Variants in GPRASP1 observed in about 807,000 individuals in gnomAD.
GPRASP1 encodes the protein G protein-coupled receptor associated sorting protein 1.
In GPRASP1, 28 loss-of-function variants were observed where a neutral mutation model predicts 68.4. That is an observed-to-expected ratio of 0.41 (90% CI 0.30 to 0.56). GPRASP1 has a LOEUF of 0.56. Ranked by LOEUF, GPRASP1 falls within the 20% of genes least tolerant of loss-of-function variation. GPRASP1 has a pLI of 0.29. For missense variants in GPRASP1, 913 were observed against 1,031.5 expected (o/e 0.89, Z 1.57); for synonymous variants, 304 against 358.2 (o/e 0.85, Z 1.71).
At position 102,651,937 on chromosome X, in the gene GPRASP1, C is replaced by T. The variant is rs369084898; in HGVS notation, c.-572+204C>T. ...CCGAGAGACGGCTGTGGGGGAGGCT[C>T]CTGCGGGAGAAATGGCCAAACGGGA... On this transcript the variant is annotated intron_variant, in intron 2 of 5. Coordinates refer to ENST00000537097, the MANE Select transcript of GPRASP1 (RefSeq NM_001184727.2). Among the ~76,000 whole-genome samples the T allele has an allele frequency of 2.9e-3, 322 of 112,231 alleles. 3 individuals are homozygous for T. Among genetic ancestry groups the T allele is most frequent in the African/African-American group, 0.01 (315 of 30,939 alleles).
chrX:102,654,733 G>T lies in GPRASP1; in HGVS notation c.820G>T (p.Gly274Trp), dbSNP rs1167236005. Residue 274 changes from glycine to tryptophan, a missense_variant, in exon 6 of 6, where the codon GGG becomes TGG. Gly to Trp is a radical substitution (Grantham distance 184, BLOSUM62 -2). Transcript: ENST00000537097. ...WARDKTNTWS[G>W]PREDPNSRSR... ...CAGAGATAAAACCAATACCTGGTCT[G>T]GGCCCAGGGAAGATCCCAATAGCAG... 1.7e-6 allele frequency: 2 copies of T among 1,208,401 alleles called. No individual in the cohort carries two copies. Among genetic ancestry groups the T allele is most frequent in the South Asian group, 1.8e-5 (1 of 56,901 alleles).
rs3180334 is a variant in GPRASP1, at chrX:102,658,452, C to G, written c.*351C>G. ...CAATAAAGTCCTATGTTAAAGTTGG[C>G]AGAAATCACCCTTCTTCTTGAAATT... On this transcript the variant is annotated 3_prime_UTR_variant, in exon 6 of 6. Coordinates refer to ENST00000537097, the MANE Select transcript of GPRASP1 (RefSeq NM_001184727.2). The G allele has an allele frequency of 7.2e-6, 1 of 139,598 alleles. No individual in the cohort carries two copies. Among genetic ancestry groups the G allele is most frequent in the African/African-American group, 3.2e-5 (1 of 31,106 alleles). The allele number at this position is 139,598 out of a possible 1,213,427, so 11.5% of individuals were successfully genotyped here. A position where few individuals can be genotyped will look rare whatever the true frequency, so the allele number is the denominator to read the frequency against.
At position 102,657,620 on chromosome X, in the gene GPRASP1, A is replaced by T; in HGVS notation, c.3707A>T (p.Tyr1236Phe). ...CCGAATCTAAACATAATTCAGACAT[A>T]CATATGTAAAGTGTGTGAGGAAACC... ...PYPNLNIIQT[Y>F]ICKVCEETLA... Residue 1236 changes from tyrosine (Y) to phenylalanine (F), a missense_variant, in exon 6 of 6, where the codon TAC (tyrosine) becomes TTC (phenylalanine). Coordinates refer to ENST00000537097, the MANE Select transcript of GPRASP1 (RefSeq NM_001184727.2). 1 of 1,210,566 alleles carries T rather than the reference A, an allele frequency of 8.3e-7. No homozygotes were observed. The highest frequency in any genetic ancestry group is 1.8e-5 in the South Asian group (1 of 56,963).
Position 102,655,873 on chromosome X carries a change from A to T in GPRASP1, c.1960A>T (p.Met654Leu). The T allele has an allele frequency of 8.3e-7, 1 of 1,211,796 alleles. No individual in the cohort carries two copies. Among genetic ancestry groups the T allele is most frequent in the Admixed American group, 2.2e-5 (1 of 46,044 alleles). The change falls in exon 6 of 6, where the codon ATG becomes TTG. Residue 654 changes from methionine (M) to leucine (L), a missense_variant. Coordinates refer to ENST00000537097, the MANE Select transcript of GPRASP1 (RefSeq NM_001184727.2). Reference protein sequence around the residue: ...PCFGAKEEVSMKHGTGVRCRF... With the variant: ...PCFGAKEEVSLKHGTGVRCRF... ...TTTTGGAGCCAAAGAAGAGGTCAGT[A>T]TGAAGCATGGGACTGGTGTCAGATG...
At position 102,655,910 on chromosome X, in the gene GPRASP1, C is replaced by G; in HGVS notation, c.1997C>G (p.Ala666Gly). The change falls in exon 6 of 6, where the codon GCA (alanine) becomes GGA (glycine). Residue 666 changes from alanine (A) to glycine (G), a missense_variant. Coordinates refer to ENST00000537097, the MANE Select transcript of GPRASP1 (RefSeq NM_001184727.2). ...HGTGVRCRFM[A>G]GAEETNNKSC... ...ACTGGTGTCAGATGCAGATTTATGGCAGGGGCTGAGGAGACCAATAATAAG... is the reference window on the plus strand; with the variant it reads ...ACTGGTGTCAGATGCAGATTTATGGGAGGGGCTGAGGAGACCAATAATAAG... 8.3e-7 allele frequency: 1 copy of G among 1,210,699 alleles called. No homozygotes were observed. The highest frequency in any genetic ancestry group is 1.1e-6 in the Non-Finnish European group (1 of 894,917).
rs775154949 is a variant in GPRASP1 at position 102,656,148 on chromosome X, G to A, written c.2235G>A (p.Glu745=). ...TGEKAKLLTE[E]ETIINSWFWK... is the part of the protein sequence containing the mutation. ...AAAAGGCCAAGTTACTGACTGAAGA[G>A]GAGACCATAATCAATTCCTGGTTCT... Residue 745 remains glutamate (E), a synonymous_variant, in exon 6 of 6, where the codon GAG becomes GAA. Transcript: ENST00000537097. 8.3e-6 allele frequency: 10 copies of A among 1,209,189 alleles called. No individual in the cohort carries two copies. In the East Asian group the frequency reaches 2.4e-4, roughly 29 times the overall value.
In GPRASP1 at chrX:102,654,258, T is replaced by C. The variant is rs371213804; in HGVS notation, c.345T>C (p.Asn115=). The change falls in exon 6 of 6, where the codon AAT becomes AAC. Residue 115 remains asparagine, a synonymous_variant. Coordinates refer to ENST00000537097, the MANE Select transcript of GPRASP1 (RefSeq NM_001184727.2). The stretch of plus-strand genomic sequence containing the variant: ...AGACAGAGAGAAACTCCCAGACCAA[T>C]ATCATAGCCTCTCCACTTGTCAGTA... ...LSKTERNSQT[N]IIASPLVSTD... 1.4e-5 allele frequency: 17 copies of C among 1,208,644 alleles called. No individual in the cohort carries two copies. Among genetic ancestry groups the C allele is most frequent in the Non-Finnish European group, 1.9e-5 (17 of 893,463 alleles).
rs1180296440 is a variant in GPRASP1 at position 102,658,093 on chromosome X, G to A, written c.4180G>A (p.Glu1394Lys). ...TCAAAATGACCCTGAAGGGGACCAA[G>A]AAAATTAGTAATGGTTAATTGCTGG... ...DNQNDPEGDQ[E>K]N The change falls in exon 6 of 6, where the codon GAA becomes AAA. Residue 1394 changes from glutamate (E) to lysine (K), a missense_variant. Transcript: ENST00000537097. 4 of 1,022,614 alleles carry A rather than the reference G, an allele frequency of 3.9e-6. No individual in the cohort carries two copies. In the African/African-American group the frequency reaches 7.6e-5, roughly 19 times the overall value. 84.3% of individuals were successfully genotyped at this position (1,022,614 alleles called of 1,213,427 possible).
chrX:102,654,262 A>G lies in GPRASP1; in HGVS notation c.349A>G (p.Ile117Val), dbSNP rs761044019. 1.7e-6 allele frequency: 2 copies of G among 1,210,190 alleles called. No individual in the cohort carries two copies. The highest frequency in any genetic ancestry group is 2.2e-6 in the Non-Finnish European group (2 of 893,720). The change falls in exon 6 of 6, where the codon ATA (isoleucine) becomes GTA (valine). Residue 117 changes from isoleucine to valine, a missense_variant. Physicochemically the swap from Ile to Val is conservative, Grantham distance 29. Coordinates refer to ENST00000537097, the MANE Select transcript of GPRASP1 (RefSeq NM_001184727.2). ...AGAGAGAAACTCCCAGACCAATATC[A>G]TAGCCTCTCCACTTGTCAGTACTGA... ...KTERNSQTNI[I>V]ASPLVSTDSV...
Position 102,654,054 on chromosome X carries a change from G to A in GPRASP1, c.141G>A (p.Met47Ile), listed in dbSNP as rs138475167. The A allele has an allele frequency of 1.7e-6, 2 of 1,210,729 alleles. No homozygotes were observed. The highest frequency in any genetic ancestry group is 2.2e-6 in the Non-Finnish European group (2 of 895,310). ...AGGTTAGGACCCAGGCCCAGATAAT[G>A]CCTGGGGCAAGGCCCAAGAATAAGT... ...RPKVRTQAQI[M>I]PGARPKNKSK... Residue 47 changes from methionine to isoleucine, a missense_variant, in exon 6 of 6, where the codon ATG becomes ATA. Transcript: ENST00000537097.
chrX:102,657,513 T>C lies in GPRASP1; in HGVS notation c.3600T>C (p.Leu1200=). 2 of 1,212,143 alleles carry C rather than the reference T, an allele frequency of 1.6e-6. No homozygotes were observed. The highest frequency in any genetic ancestry group is 2.2e-6 in the Non-Finnish European group (2 of 895,541). ...DFIRDSGVVS[L]IETLLNYPSS... is the part of the protein sequence containing the mutation. ...TTCGAGATTCAGGTGTTGTCTCACT[T>C]ATTGAAACCTTGCTTAATTATCCGT... Residue 1200 remains leucine (L), a synonymous_variant, in exon 6 of 6, where the codon CTT becomes CTC. Coordinates refer to ENST00000537097, the MANE Select transcript of GPRASP1 (RefSeq NM_001184727.2).
At position 102,654,289 on chromosome X, in the gene GPRASP1, TCTGTCTTGGTTGCTAAAACAAAGTAC is replaced by T; in HGVS notation, c.383_408del (p.Leu128Ter). 8.3e-7 allele frequency: 1 copy of T among 1,210,637 alleles called. No individual in the cohort carries two copies. The highest frequency in any genetic ancestry group is 1.1e-6 in the Non-Finnish European group (1 of 894,310). On this transcript the variant is annotated frameshift_variant, in exon 6 of 6. Transcript: ENST00000537097. LOFTEE classifies it high-confidence loss of function. ...AGCCTCTCCACTTGTCAGTACTGAT[TCTGTCTTGGTTGCTAAAACAAAGTAC>T]CTGTCTGAGGATAGAGAACTGGTTA...
rs145935226 is a variant in GPRASP1 at position 102,654,696 on chromosome X, C to G, written c.783C>G (p.Pro261=). The change falls in exon 6 of 6, where the codon CCC becomes CCG. Residue 261 remains proline, a synonymous_variant. Coordinates refer to ENST00000537097, the MANE Select transcript of GPRASP1 (RefSeq NM_001184727.2). ...CTGAGGATGAGTCTGTTAAGACACC[C>G]TGGTTCTGGGCCAGAGATAAAACCA... ...SGSEDESVKT[P]WFWARDKTNT... is the part of the protein sequence containing the mutation. 1.7e-4 allele frequency: 203 copies of G among 1,209,925 alleles called. No homozygotes were observed. Among genetic ancestry groups the G allele is most frequent in the Middle Eastern group, 4.6e-4 (2 of 4,349 alleles).
At position 102,655,080 on chromosome X, in the gene GPRASP1, C is replaced by G. The variant is rs927105130; in HGVS notation, c.1167C>G (p.Ala389=). The G allele has an allele frequency of 1.2e-5, 15 of 1,210,716 alleles. No individual in the cohort carries two copies. The highest frequency in any genetic ancestry group is 1.6e-5 in the Non-Finnish European group (14 of 895,295). The change falls in exon 6 of 6, where the codon GCC becomes GCG. Residue 389 remains alanine (A), a synonymous_variant. Transcript: ENST00000537097. ...AMTKEEAKTK[A]RARAKQEARS... ...CAAAGGAAGAGGCCAAAACCAAGGCCCGAGCCAGGGCCAAGCAAGAAGCCA... is the reference window on the plus strand; with the variant it reads ...CAAAGGAAGAGGCCAAAACCAAGGCGCGAGCCAGGGCCAAGCAAGAAGCCA...
chrX:102,653,985 T>C lies in GPRASP1; in HGVS notation c.72T>C (p.Gly24=). Reference sequence around the variant, plus strand: ...AGAAGCCTGGGGAAGAGGTTGTAGGTGGGGCTGAGATAGAGAATGATGTCC... The same window carrying C: ...AGAAGCCTGGGGAAGAGGTTGTAGGCGGGGCTGAGATAGAGAATGATGTCC... The part of the protein sequence containing the change: ...PEKKPGEEVV[G]GAEIENDVPL... The change falls in exon 6 of 6, where the codon GGT becomes GGC. Residue 24 remains glycine, a synonymous_variant. Transcript: ENST00000537097. The C allele has an allele frequency of 1.7e-6, 2 of 1,211,414 alleles. No homozygotes were observed. Among genetic ancestry groups the C allele is most frequent in the Non-Finnish European group, 2.2e-6 (2 of 895,197 alleles).
Position 102,657,971 on chromosome X carries a change from CAG to C in GPRASP1, c.4059_4060del (p.Phe1355LeufsTer2), listed in dbSNP as rs1445903488. On this transcript the variant is annotated frameshift_variant, in exon 6 of 6. Coordinates refer to ENST00000537097, the MANE Select transcript of GPRASP1 (RefSeq NM_001184727.2). LOFTEE classifies it high-confidence loss of function. ...ATTGGCAACAATATCAAAAAAGAAA[CAG>C]TGTTCTCTGATGATGATTTCAATAT... is the stretch of plus-strand genomic sequence containing the variant. 4 of 1,173,954 alleles carry C rather than the reference CAG, an allele frequency of 3.4e-6. No individual in the cohort carries two copies. The highest frequency in any genetic ancestry group is 1.8e-5 in the African/African-American group (1 of 57,063).
At chrX:102,653,196 C>T (rs1169139834) in intron 4 of GPRASP1, 25 bp from the exon 5 acceptor site, 2 of 111,702 alleles carry the variant, frequency 1.8e-5, no homozygotes, top group Non-Finnish European at 3.8e-5. Flanking sequence ...TCTCCATTCT[C>T]TCCTGTATGT....
chrX:102,654,885 G>A lies in GPRASP1; in HGVS notation c.972G>A (p.Gly324=), dbSNP rs199860317. The change falls in exon 6 of 6, where the codon GGG becomes GGA. Residue 324 remains glycine (G), a synonymous_variant. Coordinates refer to ENST00000537097, the MANE Select transcript of GPRASP1 (RefSeq NM_001184727.2). The part of the protein sequence containing the change: ...EAKFRSKMRA[G]KEANNRARHR... The stretch of plus-strand genomic sequence containing the variant: ...AATTCAGGTCCAAAATGAGAGCTGG[G>A]AAGGAGGCCAATAACAGGGCCAGGC... 1.2e-4 allele frequency: 146 copies of A among 1,210,575 alleles called. No homozygotes were observed. Among genetic ancestry groups the A allele is most frequent in the Non-Finnish European group, 1.6e-4 (144 of 895,196 alleles).
chrX:102,654,503 A>G lies in GPRASP1; in HGVS notation c.590A>G (p.Lys197Arg). ...SPNSDFKWVD[K>R]SVSSLFWSGD... Reference sequence around the variant, plus strand: ...AATTCTGATTTCAAATGGGTAGACAAATCTGTGAGTTCCTTGTTCTGGAGT... The same window carrying G: ...AATTCTGATTTCAAATGGGTAGACAGATCTGTGAGTTCCTTGTTCTGGAGT... The change falls in exon 6 of 6, where the codon AAA becomes AGA. Residue 197 changes from lysine to arginine, a missense_variant. By Grantham distance (26) the Lys-to-Arg change is conservative (BLOSUM62 2). Coordinates refer to ENST00000537097, the MANE Select transcript of GPRASP1 (RefSeq NM_001184727.2). 8.3e-7 allele frequency: 1 copy of G among 1,210,789 alleles called. No individual in the cohort carries two copies. The highest frequency in any genetic ancestry group is 3.0e-5 in the East Asian group (1 of 33,820).
Sources: gnomAD v4.1 joint callset for allele counts (sites outside exome capture counted in the v4.1 genomes callset) on GRCh38, gnomAD v4.1.1 for gene constraint, MANE v1.5 for transcripts, NCBI Gene and HGNC (gene_info 2026-07-23, HGNC 2026-07-21) for gene names.